The following GRHPR variants were observed in gnomAD, a reference collection of about 807,000 sequenced individuals.
GRHPR encodes glyoxylate reductase/hydroxypyruvate reductase.
Under a neutral mutation model 36.8 loss-of-function variants are expected in GRHPR, and 35 were observed. The ratio of observed to expected loss-of-function variants is 0.95; its 90% confidence interval spans 0.73 to 1.26. The LOEUF (loss-of-function observed/expected upper bound fraction) is 1.26, where lower values mean the gene tolerates loss of function less well. Ranked by LOEUF, GRHPR falls within the 50% of genes most tolerant of loss-of-function variation. GRHPR has a pLI of 0.00. For missense variants in GRHPR, 380 were observed against 435.0 expected (o/e 0.87, Z 1.12); for synonymous variants, 179 against 181.0 (o/e 0.99, Z 0.09).
At chr9:37,431,135 A>G (rs1474774594) in intron 7 of GRHPR, 1 of 425,716 alleles carries the variant, frequency 2.3e-6, no homozygotes, top group South Asian at 1.8e-5. Flanking sequence ...CCTTCAGGCC[A>G]CTGGGCATGT....
intron 8 of GRHPR, among the ~76,000 whole-genome samples, chr9:37,435,769 A>G (rs1823611940): frequency 6.6e-6 from 1 of 152,212 alleles, no homozygotes; most frequent in African/African-American, 2.4e-5. Flanking sequence ...AAAAGGAAAC[A>G]TGATTTCTAC....
rs1823271331 is a variant in GRHPR at position 37,429,789 on chromosome 9, G to A, written c.551G>A (p.Gly184Glu). Residue 184 changes from glycine (G) to glutamate (E), a missense_variant, in exon 6 of 9, where the codon GGG becomes GAG. Gly to Glu is a moderately conservative substitution (Grantham distance 98). Transcript: ENST00000318158. ...PFGVQRFLYT[G>E]RQPRPEEAAE... ...GGTGTCCAGAGATTTCTGTACACAG[G>A]GCGCCAGCCCAGGCCTGAGGAAGCA... is the stretch of plus-strand genomic sequence containing the variant. 6.2e-7 allele frequency: 1 copy of A among 1,613,388 alleles called. No individual in the cohort carries two copies. The highest frequency in any genetic ancestry group is 1.7e-5 in the Admixed American group (1 of 60,008).
At chr9:37,430,040 A>G (rs888743021) in intron 6 of GRHPR, 11 of 628,670 alleles carry the variant, frequency 1.7e-5, no homozygotes, top group Non-Finnish European at 3.1e-5. Flanking sequence ...TCTCCGAGCC[A>G]GCAGAGCAGT....
chr9:37,435,256 C>G (rs555054733), intron 8 of GRHPR, among the ~76,000 whole-genome samples: 3 of 151,922 alleles, frequency 2.0e-5, no homozygotes, highest in African/African-American at 7.2e-5. Context: ...CTCAAAAACT[C>G]TTCTCTACTA....
At chr9:37,429,398 G>T in intron 5 of GRHPR, 2 of 393,748 alleles carry the variant, frequency 5.1e-6, no homozygotes, top group South Asian at 4.3e-5. Context: ...TTGACCAGGT[G>T]TCTCCCTTGT....
Position 37,422,844 on chromosome 9 carries a change from C to T in GRHPR, c.83+11C>T, listed in dbSNP as rs756849222. 15 of 1,576,472 alleles carry T rather than the reference C, an allele frequency of 9.5e-6. 2 individuals carry two copies. The South Asian group carries it at 1.7e-4, about 18-fold the overall frequency. ...CGCCCGGGCGGCAGAGTAAGAGCCT[C>T]GCGCGCCGTGGAGGAGGGAGCAGGG... On this transcript the variant is annotated intron_variant, in intron 1 of 8. Coordinates refer to ENST00000318158, the MANE Select transcript of GRHPR (RefSeq NM_012203.2).
In GRHPR at chr9:37,422,705, G is replaced by T. The variant is rs1408675628; in HGVS notation, c.-46G>T. ...CCGCCCCGGCCCAGCTACATTCCCGGGCCAGCTTCTGTACTGCCAGGTCCG... is the reference window on the plus strand; with the variant it reads ...CCGCCCCGGCCCAGCTACATTCCCGTGCCAGCTTCTGTACTGCCAGGTCCG... On this transcript the variant is annotated 5_prime_UTR_variant, in exon 1 of 9. Coordinates refer to ENST00000318158, the MANE Select transcript of GRHPR (RefSeq NM_012203.2). 2.1e-6 allele frequency: 3 copies of T among 1,435,344 alleles called. No homozygotes were observed. The highest frequency in any genetic ancestry group is 1.9e-5 in the Admixed American group (1 of 51,740). 88.9% of individuals were successfully genotyped at this position (1,435,344 alleles called of 1,614,324 possible).
chr9:37,425,764 T>C (rs1823047957), intron 2 of GRHPR, among the ~76,000 whole-genome samples, 158 bp from the exon 3 acceptor site: 1 of 152,256 alleles, frequency 6.6e-6, no homozygotes, highest in Non-Finnish European at 1.5e-5. Flanking sequence ...TGTCTGAGGC[T>C]GTCAAAGGGG....
At chr9:37,434,894 A>T (rs1174982492) in intron 8 of GRHPR, 1 of 152,286 alleles carries the variant, frequency 6.6e-6, no homozygotes, top group Non-Finnish European at 1.5e-5. Context: ...AGCAACCAAA[A>T]ACCATTATCC....
intron 1 of GRHPR, among the ~76,000 whole-genome samples, chr9:37,424,006 G>A (rs1822961790): frequency 6.6e-6 from 1 of 152,212 alleles, no homozygotes; most frequent in Non-Finnish European, 1.5e-5. Context: ...CACTGCATTT[G>A]ATCAGGTTTG....
At chr9:37,436,628 T>C in intron 8 of GRHPR, 33 bp from the exon 9 acceptor site, 1 of 1,609,472 alleles carries the variant, frequency 6.2e-7, no homozygotes, top group Non-Finnish European at 8.5e-7. Flanking sequence ...ACCACCCTTC[T>C]TATCTCCCTC....
At chr9:37,424,489 T>C (rs1822980870) in intron 1 of GRHPR, among the ~76,000 whole-genome samples, 1 of 152,236 alleles carries the variant, frequency 6.6e-6, no homozygotes, top group South Asian at 2.1e-4. Context: ...GGCCATTGAA[T>C]CCAGGCCCCC....
intron 2 of GRHPR, 34 bp from the exon 3 acceptor site, chr9:37,425,888 G>C (rs1223889022): frequency 2.7e-6 from 4 of 1,506,024 alleles, no homozygotes; most frequent in Middle Eastern, 3.4e-4. Flanking sequence ...GTTCCTCGAG[G>C]AAAGATACTA....
rs534440132 is a variant in GRHPR, at chr9:37,422,701, C to T, written c.-50C>T. The T allele has an allele frequency of 9.9e-6, 14 of 1,408,844 alleles. No individual in the cohort carries two copies. Among genetic ancestry groups the T allele is most frequent in the Admixed American group, 7.8e-5 (4 of 51,540 alleles). The allele number at this position is 1,408,844 out of a possible 1,614,324, so 87.3% of individuals were successfully genotyped here. A position where few individuals can be genotyped will look rare whatever the true frequency, so the allele number is the denominator to read the frequency against. ...GGCCCCGCCCCGGCCCAGCTACATT[C>T]CCGGGCCAGCTTCTGTACTGCCAGG... is the stretch of plus-strand genomic sequence containing the variant. On this transcript the variant is annotated 5_prime_UTR_variant, in exon 1 of 9. Transcript: ENST00000318158.
chr9:37,428,121 T>C, intron 4 of GRHPR: 1 of 377,974 alleles, frequency 2.6e-6, no homozygotes, highest in Non-Finnish European at 5.1e-6. Flanking sequence ...TGCCCTAAAG[T>C]GCCAAGAGAA....
Position 37,434,520 on chromosome 9 carries a change from A to C in GRHPR, c.866-2141A>C, listed in dbSNP as rs1248690906. 7 of 418,856 alleles carry C rather than the reference A, an allele frequency of 1.7e-5. No individual in the cohort carries two copies. In the Admixed American group the frequency reaches 2.6e-4, roughly 15 times the overall value. 25.9% of individuals were successfully genotyped at this position (418,856 alleles called of 1,614,324 possible). ...AGGCAGAGGTAGAGGAAAAGCCCGC[A>C]GAACATGTAGAAGTAGCAGCTCCCA... On this transcript the variant is annotated intron_variant, in intron 8 of 8. Transcript: ENST00000318158.
At chr9:37,426,334 A>G in intron 3 of GRHPR, 1 of 641,652 alleles carries the variant, frequency 1.6e-6, no homozygotes, top group Non-Finnish European at 2.8e-6. Context: ...CTGAACCCTG[A>G]TCTTCCATCT....
intron 8 of GRHPR, chr9:37,434,426 T>C (rs1482098691): frequency 1.6e-5 from 9 of 552,436 alleles, no homozygotes; most frequent in Middle Eastern, 5.5e-4. Flanking sequence ...GGGGTCAGAC[T>C]GTGTAGACCA....
intron 1 of GRHPR, among the ~76,000 whole-genome samples, chr9:37,424,306 G>C (rs1309280456): frequency 6.6e-6 from 1 of 152,258 alleles, no homozygotes; most frequent in Non-Finnish European, 1.5e-5. Flanking sequence ...CGTGCTGACT[G>C]TACTGAATTC....
Sources: gnomAD v4.1 joint callset for allele counts (sites outside exome capture counted in the v4.1 genomes callset) on GRCh38, gnomAD v4.1.1 for gene constraint, MANE v1.5 for transcripts, NCBI Gene and HGNC (gene_info 2026-07-23, HGNC 2026-07-21) for gene names.